The following DHX37 variants were observed in gnomAD, a reference collection of about 807,000 sequenced individuals.
DHX37 encodes the protein probable ATP-dependent RNA helicase DHX37.
DHX37 carries 52 observed loss-of-function variants against 134.3 expected under a neutral mutation model. That is an observed-to-expected ratio of 0.39 (90% CI 0.31 to 0.49). The LOEUF is 0.49. Ranked by LOEUF, DHX37 falls within the 20% of genes least tolerant of loss-of-function variation. The probability of loss-of-function intolerance (pLI) is 0.93; values close to 1 mark genes in which losing one functional copy is unlikely to be tolerated. For synonymous variants in DHX37, 634 were observed against 670.7 expected (o/e 0.95, Z 0.85); for missense variants, 1,344 against 1,580.8 (o/e 0.85, Z 2.54).
chr12:124,981,174 T>C (rs1444796397), intron 3 of DHX37, among the ~76,000 whole-genome samples: 4 of 152,198 alleles, frequency 2.6e-5, no homozygotes, highest in Non-Finnish European at 5.9e-5. Flanking sequence ...GCCATGACAC[T>C]GGGAAGCTCC....
rs376470858 is a variant in DHX37 at position 124,980,723 on chromosome 12, A to ACTCCTCCTCCTCCTC, written c.490_504dup (p.Glu164_Glu168dup). The ACTCCTCCTCCTCCTC allele has an allele frequency of 5.2e-6, 8 of 1,533,480 alleles. No individual in the cohort carries two copies. In the African/African-American group the frequency reaches 7.4e-5, roughly 14 times the overall value. The allele number at this position is 1,533,480 out of a possible 1,614,324, so 95.0% of individuals were successfully genotyped here. A position where few individuals can be genotyped will look rare whatever the true frequency, so the allele number is the denominator to read the frequency against. On this transcript the variant is annotated inframe_insertion, in exon 4 of 27. Coordinates refer to ENST00000308736, the MANE Select transcript of DHX37 (RefSeq NM_032656.4). This position sits in a 1 kb window ranked among gnomAD's most constrained non-coding sequence, Gnocchi z 5.3. ...GACTCCTCCTCCAGCTCCGATTCCG[A>ACTCCTCCTCCTCCTC]CTCCTCCTCCTCCTCCTCCTCCTCC...
intron 18 of DHX37, 58 bp from the exon 19 acceptor site, chr12:124,954,269 G>T: frequency 6.6e-7 from 1 of 1,515,284 alleles, no homozygotes; most frequent in Non-Finnish European, 8.8e-7. Context: ...CAGGGCCTCA[G>T]CGGGGGGAAC....
chr12:124,965,651 C>A lies in DHX37; in HGVS notation c.1735+17G>T. The A allele has an allele frequency of 6.3e-7, 1 of 1,587,914 alleles. No homozygotes were observed. The highest frequency in any genetic ancestry group is 8.6e-7 in the Non-Finnish European group (1 of 1,164,478). On this transcript the variant is annotated intron_variant, in intron 13 of 26. Coordinates refer to ENST00000308736, the MANE Select transcript of DHX37 (RefSeq NM_032656.4). Reference sequence around the variant, plus strand: ...AGAGATAATGAACATGAGCAGGAATCGGTGCTCGGGCCACACCTCCATCTT... The same window carrying A: ...AGAGATAATGAACATGAGCAGGAATAGGTGCTCGGGCCACACCTCCATCTT...
intron 26 of DHX37, 97 bp from the exon 27 acceptor site, chr12:124,947,984 C>T: frequency 6.2e-7 from 1 of 1,613,026 alleles, no homozygotes; most frequent in East Asian, 2.2e-5. Flanking sequence ...GGGGCCAGAT[C>T]CTTCTGCCAA....
intron 18 of DHX37, among the ~76,000 whole-genome samples, chr12:124,954,518 C>T (rs186030543): frequency 2.0e-4 from 31 of 152,108 alleles, no homozygotes; most frequent in African/African-American, 7.0e-4. Context: ...CTCAGCCTCC[C>T]GAGTAGCTGG....
At chr12:124,977,753 G>A (rs374091567) in intron 4 of DHX37, among the ~76,000 whole-genome samples, 2 of 152,178 alleles carry the variant, frequency 1.3e-5, no homozygotes, top group African/African-American at 4.8e-5. Context: ...GGGAACCCTC[G>A]GCTGTTGCTG....
chr12:124,979,930 A>G (rs1954721205), intron 4 of DHX37, among the ~76,000 whole-genome samples: 3 of 152,244 alleles, frequency 2.0e-5, no homozygotes, highest in African/African-American at 7.2e-5. Flanking sequence ...TCCCAATTCC[A>G]TTCAACGGCC....
At chr12:124,969,220 A>G (rs1415950754) in intron 8 of DHX37, among the ~76,000 whole-genome samples, 1 of 152,030 alleles carries the variant, frequency 6.6e-6, no homozygotes, top group Non-Finnish European at 1.5e-5. Flanking sequence ...GTGGGCTGAG[A>G]CTGGGGCCCA....
rs946112228 is a variant in DHX37, at chr12:124,975,313, C to T, written c.980+106G>A. ...GCTACATGCAGAGGTGACACTCCAC[C>T]CAGCACCCTCGGCACAGATGCTGCT... On this transcript the variant is annotated intron_variant, in intron 6 of 26. Transcript: ENST00000308736. 60 of 1,172,448 alleles carry T rather than the reference C, an allele frequency of 5.1e-5. No homozygotes were observed. The African/African-American group carries it at 5.4e-4, about 11-fold the overall frequency. 72.6% of individuals were successfully genotyped at this position (1,172,448 alleles called of 1,614,324 possible). A position where few individuals can be genotyped will look rare whatever the true frequency, so the allele number is the denominator to read the frequency against.
intron 6 of DHX37, among the ~76,000 whole-genome samples, chr12:124,974,558 G>A (rs1164894670): frequency 6.7e-6 from 1 of 149,934 alleles, no homozygotes; most frequent in Non-Finnish European, 1.5e-5. Context: ...GATGGGCCTG[G>A]CACACTAGAT....
intron 15 of DHX37, among the ~76,000 whole-genome samples, chr12:124,961,026 T>C (rs562955153): frequency 6.6e-6 from 1 of 152,388 alleles, no homozygotes; most frequent in East Asian, 1.9e-4. Flanking sequence ...CTCTACACTT[T>C]AACTACAGTT....
chr12:124,969,020 G>A (rs1409921517), intron 8 of DHX37, 52 bp from the exon 9 acceptor site: 1 of 1,566,430 alleles, frequency 6.4e-7, no homozygotes, highest in South Asian at 1.1e-5. Flanking sequence ...AGGTGGGTCT[G>A]AAGCCTGGGA....
In DHX37 at chr12:124,950,533, C is replaced by T. The variant is rs1220648222; in HGVS notation, c.3001G>A (p.Val1001Ile). Residue 1001 changes from valine (V) to isoleucine (I), a missense_variant, in exon 23 of 27, where the codon GTC becomes ATC. Val to Ile is a conservative substitution (Grantham distance 29). Coordinates refer to ENST00000308736, the MANE Select transcript of DHX37 (RefSeq NM_032656.4). Reference protein sequence around the residue: ...MYMKGVSSVEVQWIPALLPSY... With the variant: ...MYMKGVSSVEIQWIPALLPSY... ...GGCAGCAGGGCCGGGATCCACTGGA[C>T]CTCCACGCTAGAGACGCCTGGGGGC... 2.6e-6 allele frequency: 4 copies of T among 1,558,036 alleles called. No homozygotes were observed. The highest frequency in any genetic ancestry group is 2.3e-5 in the East Asian group (1 of 44,338).
At position 124,967,106 on chromosome 12, in the gene DHX37, C is replaced by T. The variant is rs762871439; in HGVS notation, c.1504+17G>A. ...CAGCTGCTCAGGGCAGAGTGCTGGT[C>T]GGGGCGTCCTCTTTACCTTGTGGCC... On this transcript the variant is annotated intron_variant, in intron 11 of 26. Transcript: ENST00000308736. 30 of 1,612,520 alleles carry T rather than the reference C, an allele frequency of 1.9e-5. No homozygotes were observed. The South Asian group carries it at 2.4e-4, about 13-fold the overall frequency.
intron 16 of DHX37, among the ~76,000 whole-genome samples, chr12:124,960,036 C>T (rs930144857): frequency 6.6e-6 from 1 of 152,244 alleles, no homozygotes; most frequent in African/African-American, 2.4e-5. Context: ...GCAGCACGTT[C>T]TGCACGCCCC....
At position 124,980,880 on chromosome 12, in the gene DHX37, C is replaced by A; in HGVS notation, c.390-42G>T. The A allele has an allele frequency of 6.5e-7, 1 of 1,534,006 alleles. No homozygotes were observed. Among genetic ancestry groups the A allele is most frequent in the South Asian group, 1.2e-5 (1 of 83,918 alleles). ...GACTTCAGGCACAGAGGCCCCACCT[C>A]AATCCCAGAGGTCAGGACTCCAAGG... On this transcript the variant is annotated intron_variant, in intron 3 of 26. Transcript: ENST00000308736. The surrounding 1 kb of genome is among the most constrained non-coding windows in gnomAD (Gnocchi z 5.3).
chr12:124,956,834 C>A lies in DHX37; in HGVS notation c.2310G>T (p.Ala770=), dbSNP rs752925512. 33 of 1,608,306 alleles carry A rather than the reference C, an allele frequency of 2.1e-5. No homozygotes were observed. The highest frequency in any genetic ancestry group is 2.3e-5 in the Non-Finnish European group (27 of 1,176,044). Residue 770 remains alanine (A), a synonymous_variant, in exon 18 of 27, where the codon GCG becomes GCT. Transcript: ENST00000308736. ...GGAATGTGGCCATTGTCCGGCCCAG[C>A]GCAGTGATGGGGCAGCTCAGCCGGT... ...QENRLSCPIT[A]LGRTMATFPV...
chr12:124,964,858 A>C (rs1228611875), intron 14 of DHX37, 72 bp downstream of exon 14: 1 of 1,499,442 alleles, frequency 6.7e-7, no homozygotes, highest in Non-Finnish European at 9.0e-7. Flanking sequence ...AGGACCACCA[A>C]GGGCTTGACC....
intron 4 of DHX37, among the ~76,000 whole-genome samples, chr12:124,978,488 T>C (rs1954689120): frequency 6.6e-6 from 1 of 151,312 alleles, no homozygotes; most frequent in African/African-American, 2.4e-5. Flanking sequence ...TGGCTAATTT[T>C]TGTATTTTCA....
Sources: allele counts gnomAD v4.1 joint callset (sites outside exome capture counted in the v4.1 genomes callset), GRCh38; gene constraint gnomAD v4.1.1; non-coding constraint Gnocchi (gnomAD v3.1); transcripts MANE v1.5; gene names NCBI Gene and HGNC (gene_info 2026-07-23, HGNC 2026-07-21).